RIT2: variants seen among roughly 807,000 people sequenced by gnomAD.
RIT2 encodes GTP-binding protein Rit2.
Under a neutral mutation model 23.7 loss-of-function variants are expected in RIT2, and 24 were observed. The ratio of observed to expected loss-of-function variants is 1.01; its 90% CI spans 0.73 to 1.43. The LOEUF (loss-of-function observed/expected upper bound fraction) is 1.43, where lower values mean the gene tolerates loss of function less well. Ranked by LOEUF, RIT2 falls within the 40% of genes most tolerant of loss-of-function variation. RIT2 has a pLI of 0.00. For synonymous variants in RIT2, 107 were observed against 91.1 expected, an observed-to-expected ratio of 1.17 and a Z score of -0.99; for missense variants, 236 against 266.9, an observed-to-expected ratio of 0.88 and a Z score of 0.81.
chr18:43,076,057 G>A (rs1913006074), intron 1 of RIT2, among the ~76,000 whole-genome samples: 1 of 152,196 alleles, frequency 6.6e-6, no homozygotes, highest in South Asian at 2.1e-4. Context: ...TTAGAGTGCT[G>A]TTGGCATTCC....
In RIT2 at chr18:43,085,099, T is replaced by A. The variant is rs558622410; in HGVS notation, c.103+30318A>T. Among the ~76,000 whole-genome samples the A allele has an allele frequency of 1.8e-3, 281 of 152,130 alleles. 1 individual carries two copies. The highest frequency in any genetic ancestry group is 6.4e-3 in the African/African-American group (267 of 41,528). On this transcript the variant is annotated intron_variant, in intron 1 of 4. Transcript: ENST00000326695. ...TTTTTGAGGAAATGCTGTAGTGGCT[T>A]TGCAGAATGAGAGAAGAAAGTATCT...
At chr18:42,773,472 A>C (rs1438232492) in intron 4 of RIT2, among the ~76,000 whole-genome samples, 1 of 152,216 alleles carries the variant, frequency 6.6e-6, no homozygotes, top group Non-Finnish European at 1.5e-5. Flanking sequence ...TAGGTTTTTA[A>C]CAACGGTGGA....
At chr18:42,954,309 A>G (rs1240469990) in intron 3 of RIT2, among the ~76,000 whole-genome samples, 4 of 149,930 alleles carry the variant, frequency 2.7e-5, no homozygotes, top group African/African-American at 9.8e-5. Context: ...CCTGGGAGAC[A>G]GAGGTGCAGT....
chr18:42,963,786 CT>C (rs1226685949), intron 3 of RIT2, among the ~76,000 whole-genome samples: 3 of 152,014 alleles, frequency 2.0e-5, no homozygotes, highest in Admixed American at 6.6e-5. Flanking sequence ...ATCCCAGCTA[CT>C]AGGGAAGCTG....
intron 3 of RIT2, among the ~76,000 whole-genome samples, chr18:42,966,290 G>T (rs561083088): frequency 7.0e-4 from 107 of 152,272 alleles, no homozygotes; most frequent in Admixed American, 1.3e-3. Flanking sequence ...TGAAGGAAAT[G>T]CTTTGAATTA....
chr18:42,957,424 A>G (rs904083980), intron 3 of RIT2, among the ~76,000 whole-genome samples: 7 of 152,210 alleles, frequency 4.6e-5, no homozygotes, highest in Non-Finnish European at 1.0e-4. Flanking sequence ...CATGGTTAAC[A>G]TATCATTTCA....
chr18:43,078,934 T>C (rs1228455252), intron 1 of RIT2, among the ~76,000 whole-genome samples: 1 of 152,026 alleles, frequency 6.6e-6, no homozygotes, highest in Admixed American at 6.6e-5. Flanking sequence ...AGATGTGCCC[T>C]GGCTGGACTG....
chr18:42,891,562 A>G (rs1908176034), intron 4 of RIT2, among the ~76,000 whole-genome samples: 1 of 152,190 alleles, frequency 6.6e-6, no homozygotes, highest in Admixed American at 6.5e-5. Context: ...ATTTTTCAGC[A>G]TTTTAAAAAA....
intron 3 of RIT2, among the ~76,000 whole-genome samples, chr18:42,930,114 A>G (rs1010946892): frequency 1.1e-4 from 16 of 152,064 alleles, no homozygotes; most frequent in Non-Finnish European, 2.9e-5. Context: ...GTGAGATCAG[A>G]CTCTTGAAAT....
intron 1 of RIT2, among the ~76,000 whole-genome samples, chr18:43,105,982 C>T (rs1330111261): frequency 1.3e-5 from 2 of 152,150 alleles, no homozygotes; most frequent in African/African-American, 4.8e-5. Context: ...AGGGCCTCAG[C>T]TCTGGCAGTG....
At chr18:42,908,627 T>C (rs1259098646) in intron 4 of RIT2, among the ~76,000 whole-genome samples, 1 of 152,098 alleles carries the variant, frequency 6.6e-6, no homozygotes, top group Non-Finnish European at 1.5e-5. Flanking sequence ...GAGGAAGTGA[T>C]ATCAGTTTTA....
chr18:43,030,235 T>C (rs1911823091), intron 2 of RIT2, among the ~76,000 whole-genome samples: 1 of 152,080 alleles, frequency 6.6e-6, no homozygotes, highest in Non-Finnish European at 1.5e-5. Context: ...GGCTTATTTT[T>C]GGGAAGTCAA....
intron 1 of RIT2, among the ~76,000 whole-genome samples, chr18:43,085,700 T>C (rs1913267282): frequency 6.6e-6 from 1 of 152,136 alleles, no homozygotes; most frequent in African/African-American, 2.4e-5. Context: ...TTGTAGAGTA[T>C]AGGGTTAGCA....
chr18:42,886,971 C>G (rs1908039387), intron 4 of RIT2, among the ~76,000 whole-genome samples: 1 of 152,022 alleles, frequency 6.6e-6, no homozygotes, highest in Admixed American at 6.6e-5. Flanking sequence ...AAGATTGTTT[C>G]TAGAAGGAAT....
intron 3 of RIT2, among the ~76,000 whole-genome samples, chr18:42,936,086 C>T (rs1381716289): frequency 2.0e-5 from 3 of 151,792 alleles, no homozygotes; most frequent in South Asian, 2.1e-4. Flanking sequence ...TTTCCTTTCC[C>T]TTTAGCTTTA....
chr18:42,960,206 T>G (rs1014963666), intron 3 of RIT2, among the ~76,000 whole-genome samples: 4 of 152,222 alleles, frequency 2.6e-5, no homozygotes, highest in Non-Finnish European at 5.9e-5. Flanking sequence ...TACCTAACAT[T>G]ATAAACATAT....
intron 2 of RIT2, among the ~76,000 whole-genome samples, chr18:43,012,808 A>G (rs1456872222): frequency 6.6e-6 from 1 of 151,770 alleles, no homozygotes; most frequent in Non-Finnish European, 1.5e-5. Context: ...TATTAGCCAC[A>G]TTTTGTAATT....
chr18:42,748,325 A>T (rs1912967378), intron 4 of RIT2, among the ~76,000 whole-genome samples: 1 of 152,130 alleles, frequency 6.6e-6, no homozygotes, highest in Non-Finnish European at 1.5e-5. Flanking sequence ...TGACCAACAA[A>T]AATATGAAAA....
intron 4 of RIT2, among the ~76,000 whole-genome samples, chr18:42,852,915 C>T (rs1598683590): frequency 3.3e-5 from 5 of 151,766 alleles, no homozygotes; most frequent in Admixed American, 6.6e-5. Context: ...CTCACTGCAA[C>T]CTCTGCCTCC....
Sources: gnomAD v4.1 joint callset for allele counts (sites outside exome capture counted in the v4.1 genomes callset) on GRCh38, gnomAD v4.1.1 for gene constraint, MANE v1.5 for transcripts, NCBI Gene and HGNC (gene_info 2026-07-23, HGNC 2026-07-21) for gene names.